CATSPERE: variants seen among roughly 807,000 people sequenced by gnomAD.
CATSPERE encodes the protein cation channel sperm-associated auxiliary subunit epsilon.
CATSPERE carries 93 observed loss-of-function variants against 114.1 expected under a neutral mutation model. The ratio of observed to expected loss-of-function variants is 0.81; its 90% CI spans 0.69 to 0.97. The LOEUF (loss-of-function observed/expected upper bound fraction) is 0.97, where lower values mean the gene tolerates loss of function less well. Among genes scored for constraint, CATSPERE ranks in the 50% least tolerant of loss-of-function variants. CATSPERE has a pLI of 0.00. For missense variants in CATSPERE, 1,058 were observed against 1,131.6 expected (o/e 0.93, Z 0.93); for synonymous variants, 341 against 384.1 (o/e 0.89, Z 1.31).
intron 7 of CATSPERE, among the ~76,000 whole-genome samples, chr1:244,503,549 A>G (rs1674386693): frequency 6.6e-6 from 1 of 152,064 alleles, no homozygotes; most frequent in African/African-American, 2.4e-5. Flanking sequence ...TGGCTCAGCT[A>G]TTTCTTCTGA....
chr1:244,637,944 C>T (rs966427425), intron 21 of CATSPERE, among the ~76,000 whole-genome samples: 7 of 152,234 alleles, frequency 4.6e-5, no homozygotes, highest in African/African-American at 7.2e-5. Flanking sequence ...TCTTTCCGTC[C>T]TGTTACAACA....
At chr1:244,615,867 A>G (rs1671312748) in intron 19 of CATSPERE, among the ~76,000 whole-genome samples, 1 of 150,598 alleles carries the variant, frequency 6.6e-6, no homozygotes, top group African/African-American at 2.4e-5. Flanking sequence ...TAATCCCAGC[A>G]CTTTGGGAGG....
At chr1:244,480,733 A>T (rs1247540668) in intron 5 of CATSPERE, among the ~76,000 whole-genome samples, 3 of 124,818 alleles carry the variant, frequency 2.4e-5, no homozygotes, top group Non-Finnish European at 5.3e-5. Context: ...CCTGAGCTAG[A>T]TTGTAAGTCC....
intron 7 of CATSPERE, among the ~76,000 whole-genome samples, chr1:244,501,195 A>T (rs1673984625): frequency 6.6e-6 from 1 of 152,158 alleles, no homozygotes; most frequent in South Asian, 2.1e-4. Context: ...ATCATTCATG[A>T]AGGGGCTGAC....
rs140259241 is a variant in CATSPERE at position 244,587,582 on chromosome 1, G to A, written c.2086-900G>A. Among the ~76,000 whole-genome samples, 6 of 152,292 alleles carry A rather than the reference G, an allele frequency of 3.9e-5. No individual in the cohort carries two copies. The East Asian group carries it at 9.6e-4, about 24-fold the overall frequency. On this transcript the variant is annotated intron_variant, in intron 13 of 21. Coordinates refer to ENST00000366534, the MANE Select transcript of CATSPERE (RefSeq NM_001130957.2). ...GGTCATTTGTTTTCAAACAAAGCACGTATGTGCATTTCTTTAAAAAAGCAA... is the reference window on the plus strand; with the variant it reads ...GGTCATTTGTTTTCAAACAAAGCACATATGTGCATTTCTTTAAAAAAGCAA...
chr1:244,626,270 G>A (rs1439177599), intron 20 of CATSPERE, among the ~76,000 whole-genome samples: 2 of 151,762 alleles, frequency 1.3e-5, no homozygotes, highest in Admixed American at 6.6e-5. Flanking sequence ...GTGGTCGCCT[G>A]GGATCAGGAG....
chr1:244,506,958 T>G (rs1674919587), intron 7 of CATSPERE, among the ~76,000 whole-genome samples: 1 of 152,130 alleles, frequency 6.6e-6, no homozygotes, highest in Non-Finnish European at 1.5e-5. Flanking sequence ...ACTCTCTGCC[T>G]CCATGAAATC....
chr1:244,581,989 A>T (rs901119302), intron 12 of CATSPERE, 135 bp downstream of exon 12: 21 of 446,502 alleles, frequency 4.7e-5, no homozygotes, highest in African/African-American at 4.2e-4. Context: ...CAATGTCTGG[A>T]TAGATGTAAA....
rs1416695631 is a variant in CATSPERE at position 244,560,860 on chromosome 1, A to G, written c.1222A>G (p.Asn408Asp). Residue 408 changes from asparagine to aspartate, a missense_variant, in exon 10 of 22, where the codon AAT becomes GAT. Physicochemically the swap from Asn to Asp is conservative, Grantham distance 23 (BLOSUM62 1). Coordinates refer to ENST00000366534, the MANE Select transcript of CATSPERE (RefSeq NM_001130957.2). ...CCCTCTGGAGATTGCTGTGTTTTTA[A>G]ATTATTGCACTGTATGTAACGTCAC... ...GHPLEIAVFL[N>D]YCTVCNVTKK... 3 of 1,614,122 alleles carry G rather than the reference A, an allele frequency of 1.9e-6. No individual in the cohort carries two copies. The South Asian group carries it at 3.3e-5, about 18-fold the overall frequency.
At chr1:244,576,505 T>A (rs1397463126) in intron 11 of CATSPERE, among the ~76,000 whole-genome samples, 3 of 150,062 alleles carry the variant, frequency 2.0e-5, no homozygotes. Context: ...CTGCAGAAAG[T>A]ACAATTGCCT....
At chr1:244,457,658 A>T (rs1666278624), upstream of CATSPERE, 1 of 152,162 alleles carries the variant, frequency 6.6e-6, no homozygotes, top group Non-Finnish European at 1.5e-5. Flanking sequence ...ACTTATGGTG[A>T]CCTGGGATTC....
At chr1:244,550,029 T>G (rs1230181663) in intron 8 of CATSPERE, among the ~76,000 whole-genome samples, 1 of 152,210 alleles carries the variant, frequency 6.6e-6, no homozygotes, top group Non-Finnish European at 1.5e-5. Flanking sequence ...TTGGCATTCC[T>G]GCTTCTCAAG....
At position 244,573,462 on chromosome 1, in the gene CATSPERE, G is replaced by A. The variant is rs112938233; in HGVS notation, c.1950+690G>A. 3.0e-4 allele frequency among the ~76,000 whole-genome samples: 43 copies of A among 143,478 alleles called. No individual in the cohort carries two copies. Among genetic ancestry groups the A allele is most frequent in the African/African-American group, 9.1e-4 (36 of 39,766 alleles). 94.1% of individuals were successfully genotyped at this position (143,478 alleles called of 152,430 possible). ...CAAAACAAAAAAACCAATTCTATCC[G>A]TCAATAGTTTGGGCTGTGAGTAGCC... On this transcript the variant is annotated intron_variant, in intron 11 of 21. Coordinates refer to ENST00000366534, the MANE Select transcript of CATSPERE (RefSeq NM_001130957.2). This position sits in a 1 kb window ranked among gnomAD's most constrained non-coding sequence, Gnocchi z 4.0.
At chr1:244,460,450 C>T (rs80206383), upstream of CATSPERE, among the ~76,000 whole-genome samples, 2,996 of 152,294 alleles carry the variant, frequency 0.02, 90 homozygotes, top group African/African-American at 0.068. Flanking sequence ...CTTCTACTCC[C>T]TATGATTTCA....
At position 244,490,462 on chromosome 1, in the gene CATSPERE, C is replaced by G; in HGVS notation, c.342C>G (p.Asn114Lys). 1 of 1,536,218 alleles carries G rather than the reference C, an allele frequency of 6.5e-7. No individual in the cohort carries two copies. Among genetic ancestry groups the G allele is most frequent in the South Asian group, 1.1e-5 (1 of 87,714 alleles). Residue 114 changes from asparagine (N) to lysine (K), a missense_variant, in exon 6 of 22, where the codon AAC becomes AAG. Around this residue, in one of 2 missense-constraint regions of CATSPERE, gnomAD observed 271 missense variants for 225.9 expected, o/e 1.20. Transcript: ENST00000366534. ...WYYRVRHFFN[N>K]FTQLITVWAY... ...TTCCAAGCAGACATTTCTTTAACAA[C>G]TTTACCCAGGTAAAATATTTTTTAA...
intron 7 of CATSPERE, among the ~76,000 whole-genome samples, chr1:244,500,910 C>T (rs1364609809): frequency 6.6e-6 from 1 of 152,170 alleles, no homozygotes; most frequent in East Asian, 1.9e-4. Flanking sequence ...ATGGGAATAG[C>T]ATTGAATCTA....
intron 20 of CATSPERE, among the ~76,000 whole-genome samples, chr1:244,625,771 AAG>A (rs1374620055): frequency 6.6e-6 from 1 of 151,246 alleles, no homozygotes; most frequent in African/African-American, 2.4e-5. Flanking sequence ...TTTTTAAAAT[AAG>A]AGAGAGGGTC....
chr1:244,627,193 C>T (rs1323874553), intron 20 of CATSPERE, among the ~76,000 whole-genome samples: 1 of 152,070 alleles, frequency 6.6e-6, no homozygotes, highest in Admixed American at 6.5e-5. Flanking sequence ...TCAGAGCATA[C>T]GTAACATTGA....
chr1:244,575,751 C>T lies in CATSPERE; in HGVS notation c.1950+2979C>T, dbSNP rs1412822796. On this transcript the variant is annotated intron_variant, in intron 11 of 21. Coordinates refer to ENST00000366534, the MANE Select transcript of CATSPERE (RefSeq NM_001130957.2). This position sits in a 1 kb window ranked among gnomAD's most constrained non-coding sequence, Gnocchi z 4.5. ...CGCTGCTGTTCTCCCCTCTCCTTCC[C>T]TTTCCCCTAGGGAGCAGCTGGTGGG... is the stretch of plus-strand genomic sequence containing the variant. Among the ~76,000 whole-genome samples the T allele has an allele frequency of 1.3e-5, 2 of 152,068 alleles. No homozygotes were observed. The highest frequency in any genetic ancestry group is 2.4e-5 in the African/African-American group (1 of 41,400).
Sources: gnomAD v4.1 joint callset for allele counts (sites outside exome capture counted in the v4.1 genomes callset) on GRCh38, gnomAD v4.1.1 for gene constraint, gnomAD v4.1.1 regional missense constraint, Gnocchi (gnomAD v3.1) non-coding constraint, MANE v1.5 for transcripts, NCBI Gene and HGNC (gene_info 2026-07-23, HGNC 2026-07-21) for gene names.